Variants in VPS13D observed in about 807,000 individuals in gnomAD.
VPS13D encodes vacuolar protein sorting 13 homolog D.
Under a neutral mutation model 461.9 loss-of-function variants are expected in VPS13D, and 187 were observed. The ratio of observed to expected loss-of-function variants is 0.40; its 90% CI spans 0.36 to 0.46. The LOEUF (loss-of-function observed/expected upper bound fraction) is 0.46, where lower values mean the gene tolerates loss of function less well. VPS13D is among the 20% of genes least tolerant of loss of function. The probability of loss-of-function intolerance (pLI) is 0.60; values close to 1 mark genes in which losing one functional copy is unlikely to be tolerated. For synonymous variants in VPS13D, 1,951 were observed against 1,986.3 expected (o/e 0.98, Z 0.47); for missense variants, 4,711 against 5,364.9 (o/e 0.88, Z 3.81).
intron 67 of VPS13D, among the ~76,000 whole-genome samples, chr1:12,481,311 G>A (rs1000513329): frequency 7.9e-5 from 12 of 152,200 alleles, no homozygotes; most frequent in Admixed American, 1.3e-4. Context: ...AGTGTGAGCC[G>A]TAGCTGTCAC....
chr1:12,333,200 A>G (rs374358337), intron 37 of VPS13D, 26 bp from the exon 38 acceptor site: 46 of 1,610,746 alleles, frequency 2.9e-5, no homozygotes, highest in Middle Eastern at 1.7e-4. Flanking sequence ...TGCTGAACAG[A>G]TGTCTTATTT....
intron 60 of VPS13D, among the ~76,000 whole-genome samples, chr1:12,397,243 T>C (rs1040222786): frequency 1.3e-5 from 2 of 152,310 alleles, no homozygotes; most frequent in Admixed American, 1.3e-4. Context: ...CAAAAAGTTG[T>C]TTTTTCCTAT....
chr1:12,470,859 T>C (rs1645553733), intron 67 of VPS13D, among the ~76,000 whole-genome samples: 1 of 152,220 alleles, frequency 6.6e-6, no homozygotes, highest in Non-Finnish European at 1.5e-5. Context: ...ATTTTTTCCC[T>C]CATTACCGGG....
intron 11 of VPS13D, 41 bp from the exon 12 acceptor site, chr1:12,260,907 A>C (rs1641086245): frequency 1.2e-6 from 2 of 1,613,576 alleles, no homozygotes; most frequent in East Asian, 2.2e-5. Flanking sequence ...GCTTGCTTTT[A>C]TCTTTGAGTA....
chr1:12,477,736 A>G (rs1209089884), intron 67 of VPS13D, among the ~76,000 whole-genome samples: 2 of 152,184 alleles, frequency 1.3e-5, no homozygotes, highest in African/African-American at 2.4e-5. Context: ...GCACACACAC[A>G]TGCATTCACA....
Position 12,279,767 on chromosome 1 carries a change from C to A in VPS13D, c.4602+117C>A. 1 of 923,710 alleles carries A rather than the reference C, an allele frequency of 1.1e-6. No individual in the cohort carries two copies. The highest frequency in any genetic ancestry group is 1.5e-6 in the Non-Finnish European group (1 of 670,658). The allele number at this position is 923,710 out of a possible 1,614,324, so 57.2% of individuals were successfully genotyped here. A position where few individuals can be genotyped will look rare whatever the true frequency, so the allele number is the denominator to read the frequency against. Reference sequence around the variant, plus strand: ...ATATATATTTTCAAAGATATATCACCCATGCATAATACCATTGTTGAAACC... The same window carrying A: ...ATATATATTTTCAAAGATATATCACACATGCATAATACCATTGTTGAAACC... On this transcript the variant is annotated intron_variant, in intron 20 of 69. Coordinates refer to ENST00000620676, the MANE Select transcript of VPS13D (RefSeq NM_015378.4). This position sits in a 1 kb window ranked among gnomAD's most constrained non-coding sequence, Gnocchi z 4.3.
intron 65 of VPS13D, among the ~76,000 whole-genome samples, chr1:12,452,573 TG>T (rs1434135747): frequency 1.3e-5 from 2 of 152,144 alleles, no homozygotes; most frequent in East Asian, 3.8e-4. Flanking sequence ...AGGTGGGGAA[TG>T]GGGTAGAATT....
chr1:12,504,660 G>A (rs1266629875), intron 68 of VPS13D, among the ~76,000 whole-genome samples: 8 of 152,206 alleles, frequency 5.3e-5, no homozygotes, highest in Non-Finnish European at 7.3e-5. Flanking sequence ...CTGCCAGCTC[G>A]GCCTGTGTTT....
intron 61 of VPS13D, among the ~76,000 whole-genome samples, chr1:12,401,111 A>G (rs1644574034): frequency 6.6e-6 from 1 of 152,184 alleles, no homozygotes; most frequent in African/African-American, 2.4e-5. Context: ...GTTACAAATG[A>G]TAAACTTTCT....
intron 69 of VPS13D, among the ~76,000 whole-genome samples, 198 bp from the exon 70 acceptor site, chr1:12,508,691 CAAAA>C (rs35358579): frequency 8.2e-6 from 1 of 121,240 alleles, no homozygotes; most frequent in Admixed American, 8.2e-5. Context: ...GACTCCGTCT[CAAAA>C]AAAAAAAAAA....
rs1641706025 is a variant in VPS13D, at chr1:12,279,190, CA to C, written c.4451-308del. ...TGCCAGCTTGGGTGGCTCAGAGAAG[CA>C]TAATGTAGTCTCTGGACTGGAATAA... On this transcript the variant is annotated intron_variant, in intron 19 of 69. Transcript: ENST00000620676. The surrounding 1 kb of genome is among the most constrained non-coding windows in gnomAD (Gnocchi z 4.3). 6.6e-6 allele frequency among the ~76,000 whole-genome samples: 1 copy of C among 152,160 alleles called. No homozygotes were observed. The highest frequency in any genetic ancestry group is 2.1e-4 in the South Asian group (1 of 4,824).
intron 65 of VPS13D, chr1:12,453,753 TG>T (rs1483699380): frequency 6.6e-6 from 1 of 152,208 alleles, no homozygotes. Flanking sequence ...TCAAGGCTGC[TG>T]TTTGTTTGTG....
rs773756137 is a variant in VPS13D, at chr1:12,299,154, A to G, written c.6034-48A>G. The G allele has an allele frequency of 8.0e-6, 12 of 1,505,782 alleles. No homozygotes were observed. In the East Asian group the frequency reaches 2.8e-4, roughly 35 times the overall value. 93.3% of individuals were successfully genotyped at this position (1,505,782 alleles called of 1,614,324 possible). On this transcript the variant is annotated intron_variant, in intron 24 of 69. Transcript: ENST00000620676. This position sits in a 1 kb window ranked among gnomAD's most constrained non-coding sequence, Gnocchi z 4.2. ...GGAACCTGAGGTTATTTGGTGGTAA[A>G]ATTAGGGAATTAATTATCCTCTGAG...
intron 50 of VPS13D, among the ~76,000 whole-genome samples, chr1:12,362,102 A>T (rs1005349680): frequency 2.1e-4 from 32 of 151,980 alleles, no homozygotes; most frequent in African/African-American, 7.5e-4. Flanking sequence ...ACCTCAAATG[A>T]TCCACCCATC....
chr1:12,454,525 C>T (rs1456944912), intron 65 of VPS13D, among the ~76,000 whole-genome samples: 1 of 152,194 alleles, frequency 6.6e-6, no homozygotes, highest in Non-Finnish European at 1.5e-5. Context: ...AATATTTGGA[C>T]TGAGTAAAAG....
chr1:12,309,212 CTT>C (rs201262655), intron 27 of VPS13D, among the ~76,000 whole-genome samples: 13 of 131,024 alleles, frequency 9.9e-5, no homozygotes, highest in African/African-American at 8.4e-5. Flanking sequence ...TCTTTTTTTT[CTT>C]TTTTTTTTTT....
chr1:12,496,620 C>T (rs1645961348), intron 67 of VPS13D, among the ~76,000 whole-genome samples: 1 of 152,236 alleles, frequency 6.6e-6, no homozygotes, highest in African/African-American at 2.4e-5. Context: ...AGGCCGAGGA[C>T]AGACCCAGTG....
At chr1:12,350,156 A>G (rs1643763118) in intron 46 of VPS13D, among the ~76,000 whole-genome samples, 1 of 152,210 alleles carries the variant, frequency 6.6e-6, no homozygotes, top group Admixed American at 6.5e-5. Flanking sequence ...GAAATCAATA[A>G]ATATGTAAAA....
chr1:12,342,289 T>C (rs1192264628), intron 41 of VPS13D, among the ~76,000 whole-genome samples: 1 of 152,174 alleles, frequency 6.6e-6, no homozygotes, highest in Non-Finnish European at 1.5e-5. Flanking sequence ...TCTCCCTCTA[T>C]CCCTAAAGAA....
Sources: gnomAD v4.1 joint callset for allele counts (sites outside exome capture counted in the v4.1 genomes callset) on GRCh38, gnomAD v4.1.1 for gene constraint, Gnocchi (gnomAD v3.1) non-coding constraint, MANE v1.5 for transcripts, NCBI Gene and HGNC (gene_info 2026-07-23, HGNC 2026-07-21) for gene names.